Variants in LRRC4C observed in about 807,000 individuals in gnomAD.
LRRC4C encodes the protein leucine-rich repeat-containing protein 4C.
A neutral mutation model predicts 33.6 loss-of-function variants in LRRC4C; 5 were observed. That is an observed-to-expected ratio of 0.15 (90% CI 0.08 to 0.31). The LOEUF is 0.31. LRRC4C is among the 10% of genes least tolerant of loss of function. The probability of loss-of-function intolerance (pLI) is 1.00; values close to 1 mark genes in which losing one functional copy is unlikely to be tolerated. For synonymous variants in LRRC4C, 329 were observed against 302.0 expected (o/e 1.09, Z -0.93); for missense variants, 560 against 796.7 (o/e 0.70, Z 3.58).
chr11:41,401,937 C>G (rs1215273347), intron 1 of LRRC4C, among the ~76,000 whole-genome samples: 1 of 151,970 alleles, frequency 6.6e-6, no homozygotes, highest in Non-Finnish European at 1.5e-5. Context: ...AAGAGACTTT[C>G]CCCTTGCTGT....
At chr11:41,124,504 G>C (rs1942640506) in intron 1 of LRRC4C, among the ~76,000 whole-genome samples, 1 of 152,182 alleles carries the variant, frequency 6.6e-6, no homozygotes, top group African/African-American at 2.4e-5. Flanking sequence ...CTTAGCCAAA[G>C]CCAGGCATAC....
intron 1 of LRRC4C, among the ~76,000 whole-genome samples, chr11:41,184,544 C>T (rs756299139): frequency 6.6e-6 from 1 of 152,158 alleles, no homozygotes; most frequent in Non-Finnish European, 1.5e-5. Flanking sequence ...TCTGAGACCA[C>T]CTTAGCCTGG....
intron 3 of LRRC4C, among the ~76,000 whole-genome samples, chr11:40,422,796 AT>A (rs1218729800): frequency 6.6e-6 from 1 of 152,110 alleles, no homozygotes; most frequent in Non-Finnish European, 1.5e-5. Flanking sequence ...AATATAATAG[AT>A]TTTACACTTT....
intron 2 of LRRC4C, among the ~76,000 whole-genome samples, chr11:40,798,200 T>C (rs1233491179): frequency 6.6e-6 from 1 of 152,182 alleles, no homozygotes; most frequent in Non-Finnish European, 1.5e-5. Flanking sequence ...CACAAAAATT[T>C]AATGAATCAC....
intron 4 of LRRC4C, among the ~76,000 whole-genome samples, chr11:40,246,529 C>G (rs1866353584): frequency 6.6e-6 from 1 of 152,136 alleles, no homozygotes; most frequent in African/African-American, 2.4e-5. Flanking sequence ...TGATGAAATT[C>G]ATCTCATCTT....
intron 2 of LRRC4C, among the ~76,000 whole-genome samples, chr11:40,664,658 C>A (rs1943622042): frequency 6.6e-6 from 1 of 151,894 alleles, no homozygotes; most frequent in Non-Finnish European, 1.5e-5. Flanking sequence ...GAAACCCAAA[C>A]AAAATGTAGG....
At position 41,318,588 on chromosome 11, in the gene LRRC4C, G is replaced by C. The variant is rs1950863495; in HGVS notation, c.-496+140843C>G. On this transcript the variant is annotated intron_variant, in intron 1 of 6. Coordinates refer to ENST00000528697, the MANE Select transcript of LRRC4C (RefSeq NM_001258419.2). The stretch of plus-strand genomic sequence containing the variant: ...TTTTCTCACCATCCCTCAACTCTTT[G>C]CCCACTTTTGCTCTGAGGTGCATAT... Among the ~76,000 whole-genome samples the C allele has an allele frequency of 2.0e-5, 3 of 152,056 alleles. No homozygotes were observed. The South Asian group carries it at 6.2e-4, about 32-fold the overall frequency.
At chr11:40,156,938 AAAG>A (rs1247680702) in intron 5 of LRRC4C, among the ~76,000 whole-genome samples, 1 of 152,178 alleles carries the variant, frequency 6.6e-6, no homozygotes, top group African/African-American at 2.4e-5. Flanking sequence ...TGGAATCAAA[AAAG>A]AGCCCGTATA....
At chr11:40,329,740 T>TC (rs1946268333) in intron 3 of LRRC4C, among the ~76,000 whole-genome samples, 1 of 5,824 alleles carries the variant, frequency 1.7e-4, no homozygotes, top group African/African-American at 2.0e-4. Context: ...TCTTTTTCTT[T>TC]TTTTTTTTTT....
chr11:40,252,236 C>T (rs1022154488), intron 4 of LRRC4C, among the ~76,000 whole-genome samples: 2 of 151,842 alleles, frequency 1.3e-5, no homozygotes, highest in Admixed American at 6.6e-5. Context: ...CTCACACTCA[C>T]CTAACTCACA....
At chr11:41,233,537 T>A (rs937793827) in intron 1 of LRRC4C, among the ~76,000 whole-genome samples, 1 of 152,032 alleles carries the variant, frequency 6.6e-6, no homozygotes, top group African/African-American at 2.4e-5. Context: ...CTGCATCACA[T>A]AAAAACGCCT....
intron 1 of LRRC4C, among the ~76,000 whole-genome samples, chr11:41,055,612 G>T (rs887247226): frequency 1.9e-4 from 29 of 152,052 alleles, no homozygotes; most frequent in African/African-American, 7.0e-4. Flanking sequence ...AACTCTTGTT[G>T]CATCCAGACA....
At chr11:40,859,433 T>C (rs1384894058) in intron 2 of LRRC4C, among the ~76,000 whole-genome samples, 1 of 152,130 alleles carries the variant, frequency 6.6e-6, no homozygotes, top group Non-Finnish European at 1.5e-5. Flanking sequence ...TTGGATACTT[T>C]ATTATTTTGT....
intron 3 of LRRC4C, among the ~76,000 whole-genome samples, chr11:40,594,892 AACATTTAGTTTTAATAAACACAC>A (rs1200526202): frequency 6.6e-6 from 1 of 152,216 alleles, no homozygotes; most frequent in East Asian, 1.9e-4. Context: ...CTTCCCAGAA[AACATTTAGTTTTAATAAACACAC>A]ACACAAACAC....
At chr11:40,327,660 T>A (rs113898261) in intron 3 of LRRC4C, among the ~76,000 whole-genome samples, 604 of 152,158 alleles carry the variant, frequency 4.0e-3, no homozygotes, top group Non-Finnish European at 6.8e-3. Context: ...TACTGTGAAT[T>A]AGCTATGCAC....
At chr11:41,154,854 G>A (rs1944156047) in intron 1 of LRRC4C, among the ~76,000 whole-genome samples, 1 of 152,030 alleles carries the variant, frequency 6.6e-6, no homozygotes, top group Non-Finnish European at 1.5e-5. Context: ...AGACATGAGG[G>A]ATTTTCTAAA....
At chr11:40,327,897 C>G (rs989384717) in intron 3 of LRRC4C, among the ~76,000 whole-genome samples, 3 of 151,784 alleles carry the variant, frequency 2.0e-5, no homozygotes, top group South Asian at 4.2e-4. Flanking sequence ...CTTAGAAAAT[C>G]AAGAAAAAAA....
chr11:41,222,425 C>T (rs1049081752), intron 1 of LRRC4C, among the ~76,000 whole-genome samples: 1 of 152,158 alleles, frequency 6.6e-6, no homozygotes, highest in African/African-American at 2.4e-5. Context: ...CTGGCAACAA[C>T]TGAGTACTCA....
chr11:40,182,955 C>T (rs942779115), intron 5 of LRRC4C, among the ~76,000 whole-genome samples: 2 of 152,036 alleles, frequency 1.3e-5, no homozygotes, highest in Non-Finnish European at 2.9e-5. Context: ...AAAAATGGGG[C>T]ATAGTGAGGT....
Sources: allele counts gnomAD v4.1 joint callset (sites outside exome capture counted in the v4.1 genomes callset), GRCh38; gene constraint gnomAD v4.1.1; transcripts MANE v1.5; gene names NCBI Gene and HGNC (gene_info 2026-07-23, HGNC 2026-07-21).